The following ZC3H10 variants were observed in gnomAD, a reference collection of about 807,000 sequenced individuals.
ZC3H10 encodes zinc finger CCCH-type containing 10, also known as zinc finger CCCH domain-containing protein 10.
In ZC3H10, 12 loss-of-function variants were observed where a neutral mutation model predicts 24.3. That is an observed-to-expected ratio of 0.49 (90% confidence interval 0.32 to 0.80). ZC3H10 has a LOEUF of 0.80. Among genes scored for constraint, ZC3H10 ranks in the 30% least tolerant of loss-of-function variants. ZC3H10 has a pLI of 0.04. For missense variants in ZC3H10, 360 were observed against 576.3 expected (o/e 0.62, Z 3.84); for synonymous variants, 226 against 217.0 (o/e 1.04, Z -0.36).
chr12:56,119,936 G>A (rs1319998313), intron 2 of ZC3H10: 1 of 152,318 alleles, frequency 6.6e-6, no homozygotes, highest in Non-Finnish European at 1.5e-5. Context: ...CTCTGCCGTT[G>A]ACAGTGATGA....
chr12:56,125,948 G>T lies in ZC3H10; in HGVS notation c.*4081G>T, dbSNP rs984894496. ...TGGGATTACAGGTACATGCCACCAT[G>T]CTCGGCTAATTTTTGTATTTTTAGT... On this transcript the variant is annotated 3_prime_UTR_variant, in exon 3 of 3. Coordinates refer to ENST00000257940, the MANE Select transcript of ZC3H10 (RefSeq NM_032786.3). 1 of 152,046 alleles carries T rather than the reference G, an allele frequency of 6.6e-6. No individual in the cohort carries two copies. Among genetic ancestry groups the T allele is most frequent in the African/African-American group, 2.4e-5 (1 of 41,352 alleles). The allele number at this position is 152,046 out of a possible 1,614,324, so 9.4% of individuals were successfully genotyped here. A position where few individuals can be genotyped will look rare whatever the true frequency, so the allele number is the denominator to read the frequency against.
Position 56,123,180 on chromosome 12 carries a change from C to G in ZC3H10, c.*1313C>G, listed in dbSNP as rs1487195794. On this transcript the variant is annotated 3_prime_UTR_variant, in exon 3 of 3. Transcript: ENST00000257940. ...GATGTAGGGAAAACAACTCAGGTGTCTAGTCTAATGGGACAGTAGATTTGG... is the reference window on the plus strand; with the variant it reads ...GATGTAGGGAAAACAACTCAGGTGTGTAGTCTAATGGGACAGTAGATTTGG... 6.6e-6 allele frequency: 1 copy of G among 152,158 alleles called. No homozygotes were observed. The highest frequency in any genetic ancestry group is 6.5e-5 in the Admixed American group (1 of 15,276). The allele number at this position is 152,158 out of a possible 1,614,324, so 9.4% of individuals were successfully genotyped here.
At chr12:56,118,426 C>G (rs1869703400) in intron 1 of ZC3H10, 108 bp downstream of exon 1, 1 of 153,072 alleles carries the variant, frequency 6.5e-6, no homozygotes, top group African/African-American at 2.4e-5. Flanking sequence ...CAGAACCGAG[C>G]TGGCTCGTCC....
Position 56,121,617 on chromosome 12 carries a change from C to T in ZC3H10, c.1055C>T (p.Pro352Leu), listed in dbSNP as rs760072469. The T allele has an allele frequency of 6.2e-7, 1 of 1,612,634 alleles. No homozygotes were observed. Among genetic ancestry groups the T allele is most frequent in the Non-Finnish European group, 8.5e-7 (1 of 1,179,080 alleles). ...AATGCTGCACCTCCTGCTGCTCCAC[C>T]ACCCCCACCCCCACACTTGACCCCA... ...PTNAAPPAAP[P>L]PPPPHLTPEI... The change falls in exon 3 of 3, where the codon CCA (proline) becomes CTA (leucine). Residue 352 changes from proline to leucine, a missense_variant. Pro to Leu is a moderately conservative substitution (Grantham distance 98). Transcript: ENST00000257940. The surrounding 1 kb of genome is among the most constrained non-coding windows in gnomAD (Gnocchi z 6.2).
At chr12:56,118,661 C>T (rs1385232028) in intron 1 of ZC3H10, 3 of 152,292 alleles carry the variant, frequency 2.0e-5, no homozygotes, top group African/African-American at 7.2e-5. Flanking sequence ...TGCGGGAAAA[C>T]TCCTAGGACT....
At chr12:56,120,449 A>T in intron 2 of ZC3H10, 62 bp from the exon 3 acceptor site, 1 of 1,412,076 alleles carries the variant, frequency 7.1e-7, no homozygotes, top group Non-Finnish European at 9.2e-7. Context: ...CCTGCTTTAT[A>T]GTCAGGAAGA....
At chr12:56,119,958 G>A (rs1869760256) in intron 2 of ZC3H10, 1 of 152,510 alleles carries the variant, frequency 6.6e-6, no homozygotes, top group South Asian at 2.1e-4. Flanking sequence ...GGCTGGGAGG[G>A]AATACTAAAA....
chr12:56,120,667 G>C lies in ZC3H10; in HGVS notation c.105G>C (p.Gly35=). The C allele has an allele frequency of 4.4e-6, 7 of 1,598,598 alleles. No individual in the cohort carries two copies. The highest frequency in any genetic ancestry group is 6.0e-6 in the Non-Finnish European group (7 of 1,172,954). ...EASGAGVGSG[G]ASSDAICRDF... ...GTGGGGCAGGGGTAGGCAGTGGCGG[G>C]GCCAGCTCAGATGCCATCTGTAGAG... Residue 35 remains glycine (G), a synonymous_variant, in exon 3 of 3, where the codon GGG becomes GGC. Coordinates refer to ENST00000257940, the MANE Select transcript of ZC3H10 (RefSeq NM_032786.3).
At position 56,122,531 on chromosome 12, in the gene ZC3H10, G is replaced by T. The variant is rs967523322; in HGVS notation, c.*664G>T. The T allele has an allele frequency of 1.2e-5, 2 of 166,418 alleles. No homozygotes were observed. The highest frequency in any genetic ancestry group is 2.9e-5 in the Non-Finnish European group (2 of 68,130). The allele number at this position is 166,418 out of a possible 1,614,324, so 10.3% of individuals were successfully genotyped here. A position where few individuals can be genotyped will look rare whatever the true frequency, so the allele number is the denominator to read the frequency against. On this transcript the variant is annotated 3_prime_UTR_variant, in exon 3 of 3. Coordinates refer to ENST00000257940, the MANE Select transcript of ZC3H10 (RefSeq NM_032786.3). Reference sequence around the variant, plus strand: ...GTGAAAACTTGCTTAGCTATTCTGTGTGGAAGATGGGAGCAGTAAATAGAT... The same window carrying T: ...GTGAAAACTTGCTTAGCTATTCTGTTTGGAAGATGGGAGCAGTAAATAGAT...
chr12:56,121,985 G>A lies in ZC3H10; in HGVS notation c.*118G>A, dbSNP rs1869859545. 2 of 1,240,452 alleles carry A rather than the reference G, an allele frequency of 1.6e-6. No individual in the cohort carries two copies. Among genetic ancestry groups the A allele is most frequent in the Admixed American group, 2.8e-5 (1 of 35,512 alleles). 76.8% of individuals were successfully genotyped at this position (1,240,452 alleles called of 1,614,324 possible). On this transcript the variant is annotated 3_prime_UTR_variant, in exon 3 of 3. Transcript: ENST00000257940. This position sits in a 1 kb window ranked among gnomAD's most constrained non-coding sequence, Gnocchi z 6.2. ...AGGGCTCCCTTGAGAACTAGGACAAGAGACTACAAGGAGTATGTCCTGAGG... is the reference window on the plus strand; with the variant it reads ...AGGGCTCCCTTGAGAACTAGGACAAAAGACTACAAGGAGTATGTCCTGAGG...
chr12:56,121,228 T>C lies in ZC3H10; in HGVS notation c.666T>C (p.Phe222=). The change falls in exon 3 of 3, where the codon TTT becomes TTC. Residue 222 remains phenylalanine, a synonymous_variant. Coordinates refer to ENST00000257940, the MANE Select transcript of ZC3H10 (RefSeq NM_032786.3). The surrounding 1 kb of genome is among the most constrained non-coding windows in gnomAD (Gnocchi z 6.2). ...GGCCPPDGPH[F]ESYEYSLAPP... is the part of the protein sequence containing the mutation. The stretch of plus-strand genomic sequence containing the variant: ...GCTGCCCCCCTGATGGCCCTCATTT[T>C]GAGTCATATGAATATAGTTTGGCTC... 1.9e-6 allele frequency: 3 copies of C among 1,613,744 alleles called. No homozygotes were observed. In the Middle Eastern group the frequency reaches 4.9e-4, roughly 266 times the overall value.
At position 56,121,717 on chromosome 12, in the gene ZC3H10, T is replaced by C. The variant is rs1274613733; in HGVS notation, c.1155T>C (p.Ala385=). Residue 385 remains alanine, a synonymous_variant, in exon 3 of 3, where the codon GCT becomes GCC. Transcript: ENST00000257940. The surrounding 1 kb of genome is among the most constrained non-coding windows in gnomAD (Gnocchi z 6.2). ...QGMAPPPVSM[A]PVAVSVAPVA... ...TGGCACCTCCACCTGTCTCCATGGC[T>C]CCTGTGGCTGTATCTGTGGCTCCTG... 9 of 1,613,586 alleles carry C rather than the reference T, an allele frequency of 5.6e-6. No individual in the cohort carries two copies. The highest frequency in any genetic ancestry group is 2.7e-5 in the African/African-American group (2 of 74,702).
In ZC3H10 at chr12:56,121,351, C is replaced by T. The variant is rs1200741459; in HGVS notation, c.789C>T (p.Ala263=). The change falls in exon 3 of 3, where the codon GCC becomes GCT. Residue 263 remains alanine (A), a synonymous_variant. Coordinates refer to ENST00000257940, the MANE Select transcript of ZC3H10 (RefSeq NM_032786.3). The surrounding 1 kb of genome is among the most constrained non-coding windows in gnomAD (Gnocchi z 6.2). ...AGAAGCAGGTCAGCAACCTGCTGGC[C>T]ACCAATGAGGTACTACTGGAACAAA... ...ELKKQVSNLL[A]TNEVLLEQNA... 3.1e-6 allele frequency: 5 copies of T among 1,614,028 alleles called. No homozygotes were observed. In the South Asian group the frequency reaches 5.5e-5, roughly 18 times the overall value.
chr12:56,125,059 T>C lies in ZC3H10; in HGVS notation c.*3192T>C, dbSNP rs1869951773. The C allele has an allele frequency of 6.6e-6, 1 of 152,110 alleles. No homozygotes were observed. Among genetic ancestry groups the C allele is most frequent in the African/African-American group, 2.4e-5 (1 of 41,414 alleles). The allele number at this position is 152,110 out of a possible 1,614,324, so 9.4% of individuals were successfully genotyped here. On this transcript the variant is annotated 3_prime_UTR_variant, in exon 3 of 3. Coordinates refer to ENST00000257940, the MANE Select transcript of ZC3H10 (RefSeq NM_032786.3). ...AGTGTAACCACTTAGTAGTGTGTTG[T>C]TCTAAATGTAATTTTTAAAGAGGGC...
chr12:56,121,533 G>C lies in ZC3H10; in HGVS notation c.971G>C (p.Arg324Pro), dbSNP rs1287369971. 6.2e-7 allele frequency: 1 copy of C among 1,613,970 alleles called. No homozygotes were observed. The highest frequency in any genetic ancestry group is 1.7e-5 in the Admixed American group (1 of 60,008). ...CTCAGCAGCCAGGCTCTACAGCCTC[G>C]TCCAGTGTCCCAGCAAGAACTGGTG... Reference protein sequence around the residue: ...TTLSSQALQPRPVSQQELVAP... With the variant: ...TTLSSQALQPPPVSQQELVAP... The change falls in exon 3 of 3, where the codon CGT (arginine) becomes CCT (proline). Residue 324 changes from arginine to proline, a missense_variant. Around this residue, in one of 3 missense-constraint regions of ZC3H10, gnomAD observed 133 missense variants for 256.7 expected, o/e 0.52. Coordinates refer to ENST00000257940, the MANE Select transcript of ZC3H10 (RefSeq NM_032786.3). This position sits in a 1 kb window ranked among gnomAD's most constrained non-coding sequence, Gnocchi z 6.2.
chr12:56,118,887 C>A (rs11171745), intron 1 of ZC3H10: 30,760 of 152,410 alleles, frequency 0.2, 4,530 homozygotes, highest in African/African-American at 0.42. Flanking sequence ...TTTCCAACCC[C>A]TCCTCCCAGT....
rs1369447521 is a variant in ZC3H10, at chr12:56,127,337, C to T, written c.*5470C>T. On this transcript the variant is annotated 3_prime_UTR_variant, in exon 3 of 3. Coordinates refer to ENST00000257940, the MANE Select transcript of ZC3H10 (RefSeq NM_032786.3). Reference sequence around the variant, plus strand: ...GAATTGTCTTTCCCTTACTCTTGATCCCTCATTTTAGTGTCCTAGAAGTTC... The same window carrying T: ...GAATTGTCTTTCCCTTACTCTTGATTCCTCATTTTAGTGTCCTAGAAGTTC... 1 of 152,156 alleles carries T rather than the reference C, an allele frequency of 6.6e-6. No homozygotes were observed. The highest frequency in any genetic ancestry group is 1.5e-5 in the Non-Finnish European group (1 of 68,016). 9.4% of individuals were successfully genotyped at this position (152,156 alleles called of 1,614,324 possible).
In ZC3H10 at chr12:56,121,146, T is replaced by A. The variant is rs1869808582; in HGVS notation, c.584T>A (p.Leu195His). The A allele has an allele frequency of 6.2e-7, 1 of 1,614,058 alleles. No homozygotes were observed. The highest frequency in any genetic ancestry group is 8.5e-7 in the Non-Finnish European group (1 of 1,180,042). The change falls in exon 3 of 3, where the codon CTT (leucine) becomes CAT (histidine). Residue 195 changes from leucine (L) to histidine (H), a missense_variant. Physicochemically the swap from Leu to His is moderately conservative, Grantham distance 99 (BLOSUM62 -3). Coordinates refer to ENST00000257940, the MANE Select transcript of ZC3H10 (RefSeq NM_032786.3). The surrounding 1 kb of genome is among the most constrained non-coding windows in gnomAD (Gnocchi z 6.2). Reference protein sequence around the residue: ...RRHDLYDIYDLPDRGFEDHEP... With the variant: ...RRHDLYDIYDHPDRGFEDHEP... The stretch of plus-strand genomic sequence containing the variant: ...CATGATCTCTATGATATCTATGACC[T>A]TCCTGACAGGGGCTTTGAGGACCAT...
Position 56,123,388 on chromosome 12 carries a change from A to C in ZC3H10, c.*1521A>C, listed in dbSNP as rs1442590908. ...GGCTAACATTGTGGATTTTAGAAACAACACATTGATAAGCTTAATGTTTTT... is the reference window on the plus strand; with the variant it reads ...GGCTAACATTGTGGATTTTAGAAACCACACATTGATAAGCTTAATGTTTTT... On this transcript the variant is annotated 3_prime_UTR_variant, in exon 3 of 3. Coordinates refer to ENST00000257940, the MANE Select transcript of ZC3H10 (RefSeq NM_032786.3). 6.6e-6 allele frequency: 1 copy of C among 151,768 alleles called. No individual in the cohort carries two copies. Among genetic ancestry groups the C allele is most frequent in the Non-Finnish European group, 1.5e-5 (1 of 67,936 alleles). The allele number at this position is 151,768 out of a possible 1,614,324, so 9.4% of individuals were successfully genotyped here. A position where few individuals can be genotyped will look rare whatever the true frequency, so the allele number is the denominator to read the frequency against.
Sources: gnomAD v4.1 joint callset for allele counts on GRCh38, gnomAD v4.1.1 for gene constraint, gnomAD v4.1.1 regional missense constraint, Gnocchi (gnomAD v3.1) non-coding constraint, MANE v1.5 for transcripts, NCBI Gene and HGNC (gene_info 2026-07-23, HGNC 2026-07-21) for gene names.